The following ATP9B variants were observed in gnomAD, a reference collection of about 807,000 sequenced individuals.
ATP9B encodes ATPase phospholipid transporting 9B.
ATP9B carries 110 observed loss-of-function variants against 146.1 expected under a neutral mutation model. That is an observed-to-expected ratio of 0.75 (90% confidence interval 0.65 to 0.88). ATP9B has a LOEUF of 0.88. Ranked by LOEUF, ATP9B falls within the 40% of genes least tolerant of loss-of-function variation. ATP9B has a pLI of 0.00. For synonymous variants in ATP9B, 604 were observed against 569.7 expected, an observed-to-expected ratio of 1.06 and a Z score of -0.86; for missense variants, 1,499 against 1,496.4, an observed-to-expected ratio of 1.00 and a Z score of -0.03.
chr18:79,212,927 A>G (rs1368734543), intron 10 of ATP9B, among the ~76,000 whole-genome samples: 1 of 152,184 alleles, frequency 6.6e-6, no homozygotes, highest in East Asian at 1.9e-4. Flanking sequence ...GCTGGGGAAT[A>G]CTTCACATCT....
At position 79,348,263 on chromosome 18, in the gene ATP9B, A is replaced by T. The variant is rs934694909; in HGVS notation, c.2903+67A>T. 26 of 1,232,104 alleles carry T rather than the reference A, an allele frequency of 2.1e-5. 2 individuals carry two copies. The highest frequency in any genetic ancestry group is 2.9e-5 in the Non-Finnish European group (25 of 860,734). 76.3% of individuals were successfully genotyped at this position (1,232,104 alleles called of 1,614,324 possible). ...CTTCTATTTTGAAAAAAAAAAAAAA[A>T]AAAAAACAAAAAACGTATATAGAAG... is the stretch of plus-strand genomic sequence containing the variant. On this transcript the variant is annotated intron_variant, in intron 25 of 29. Transcript: ENST00000426216.
rs2095540531 is a variant in ATP9B at position 79,207,004 on chromosome 18, T to C, written c.1022T>C (p.Val341Ala). 1.2e-6 allele frequency: 2 copies of C among 1,613,844 alleles called. No homozygotes were observed. The highest frequency in any genetic ancestry group is 1.1e-5 in the South Asian group (1 of 91,072). Residue 341 changes from valine (V) to alanine (A), a missense_variant, in exon 10 of 30, where the codon GTT (valine) becomes GCT (alanine). Transcript: ENST00000426216. ...IENTLWASTIVASGTVIGVVI... is the reference protein window; with the variant it reads ...IENTLWASTIAASGTVIGVVI... ...AATACATTGTGGGCAAGCACCATTG[T>C]TGCATCAGGTAAGGAAAACATTCTC...
chr18:79,310,601 G>T (rs962811854), intron 15 of ATP9B, among the ~76,000 whole-genome samples: 1 of 152,004 alleles, frequency 6.6e-6, no homozygotes, highest in Non-Finnish European at 1.5e-5. Flanking sequence ...TTTTTTCCTT[G>T]AGAGTTGGCT....
At chr18:79,131,186 C>T (rs1201552832) in intron 5 of ATP9B, among the ~76,000 whole-genome samples, 4 of 152,076 alleles carry the variant, frequency 2.6e-5, no homozygotes, top group Non-Finnish European at 4.4e-5. Context: ...TTAAGACATT[C>T]ACAGATAAAC....
chr18:79,232,075 T>G (rs779661672), intron 11 of ATP9B, among the ~76,000 whole-genome samples: 9 of 152,052 alleles, frequency 5.9e-5, no homozygotes, highest in Non-Finnish European at 8.8e-5. Context: ...ACTACTCTGG[T>G]GATGACCTTC....
At chr18:79,292,703 T>C (rs1159379060) in intron 13 of ATP9B, among the ~76,000 whole-genome samples, 1 of 149,900 alleles carries the variant, frequency 6.7e-6, no homozygotes, top group Admixed American at 6.7e-5. Flanking sequence ...CCGAGGAATG[T>C]GGGCTGCAGA....
rs776613834 is a variant in ATP9B, at chr18:79,193,304, G to A, written c.954+41G>A. 7 of 1,484,564 alleles carry A rather than the reference G, an allele frequency of 4.7e-6. No individual in the cohort carries two copies. In the East Asian group the frequency reaches 6.8e-5, roughly 14 times the overall value. The allele number at this position is 1,484,564 out of a possible 1,614,324, so 92.0% of individuals were successfully genotyped here. On this transcript the variant is annotated intron_variant, in intron 9 of 29. Coordinates refer to ENST00000426216, the MANE Select transcript of ATP9B (RefSeq NM_198531.5). ...TGTTCAATACAAATAGAGTTATTGT[G>A]TAAGTTAAAAGTAGCAAACCTTTGA...
In ATP9B at chr18:79,175,862, A is replaced by G. The variant is rs114161871; in HGVS notation, c.779-951A>G. Among the ~76,000 whole-genome samples the G allele has an allele frequency of 3.2e-3, 480 of 152,332 alleles. 1 individual carries two copies. The highest frequency in any genetic ancestry group is 0.01 in the African/African-American group (420 of 41,574). ...TACATGCACACACACAGATACACAC[A>G]TAGATACATATCCACACACAGATGA... is the stretch of plus-strand genomic sequence containing the variant. On this transcript the variant is annotated intron_variant, in intron 7 of 29. Transcript: ENST00000426216.
chr18:79,247,988 A>G (rs2095985312), intron 11 of ATP9B, among the ~76,000 whole-genome samples: 1 of 152,220 alleles, frequency 6.6e-6, no homozygotes, highest in Admixed American at 6.5e-5. Context: ...ATAAATTGTA[A>G]CATTAAGAAT....
At chr18:79,256,256 G>GCCATATAT (rs2096076019) in intron 12 of ATP9B, among the ~76,000 whole-genome samples, 1 of 41,822 alleles carries the variant, frequency 2.4e-5, no homozygotes, top group African/African-American at 1.3e-4. Context: ...ATTCTAGCTA[G>GCCATATAT]CTATATATAT....
intron 8 of ATP9B, among the ~76,000 whole-genome samples, chr18:79,189,808 CT>C (rs2095345719): frequency 6.6e-6 from 1 of 152,206 alleles, no homozygotes; most frequent in African/African-American, 2.4e-5. Flanking sequence ...AGTGTGATGA[CT>C]TTTGTCTACT....
At chr18:79,272,415 T>C (rs946005617) in intron 12 of ATP9B, among the ~76,000 whole-genome samples, 2 of 152,156 alleles carry the variant, frequency 1.3e-5, no homozygotes, top group Non-Finnish European at 2.9e-5. Context: ...TCCGGAGCCT[T>C]CCCTGAATCC....
intron 1 of ATP9B, among the ~76,000 whole-genome samples, chr18:79,092,321 A>G (rs988156318): frequency 2.6e-5 from 4 of 152,204 alleles, no homozygotes; most frequent in African/African-American, 9.7e-5. Context: ...AAACTTGTGC[A>G]GCATGTTACT....
At chr18:79,184,350 GT>G (rs1329715619) in intron 8 of ATP9B, among the ~76,000 whole-genome samples, 1 of 152,008 alleles carries the variant, frequency 6.6e-6, no homozygotes, top group African/African-American at 2.4e-5. Context: ...GGTTAAGTAG[GT>G]TTTTTTGTTT....
At chr18:79,098,940 G>A (rs956983164) in intron 2 of ATP9B, among the ~76,000 whole-genome samples, 11 of 152,034 alleles carry the variant, frequency 7.2e-5, no homozygotes, top group African/African-American at 1.9e-4. Flanking sequence ...GTGTTTCCTC[G>A]AAGTTAAACT....
chr18:79,371,763 C>A (rs1382951207), intron 26 of ATP9B, among the ~76,000 whole-genome samples: 1 of 152,158 alleles, frequency 6.6e-6, no homozygotes, highest in Admixed American at 6.5e-5. Context: ...GTCCCCTGAG[C>A]TTCCGTGAGG....
At chr18:79,072,482 T>G (rs921312633) in intron 1 of ATP9B, among the ~76,000 whole-genome samples, 1 of 152,204 alleles carries the variant, frequency 6.6e-6, no homozygotes, top group African/African-American at 2.4e-5. Context: ...GGTTATAGAT[T>G]AACGGCATCC....
chr18:79,363,370 G>A (rs1418281443), intron 26 of ATP9B: 2 of 152,292 alleles, frequency 1.3e-5, no homozygotes, highest in Non-Finnish European at 2.9e-5. Flanking sequence ...GTAAACAGAT[G>A]TTCCTGGATT....
At chr18:79,355,096 C>T (rs890006776) in intron 25 of ATP9B, among the ~76,000 whole-genome samples, 14 of 152,234 alleles carry the variant, frequency 9.2e-5, no homozygotes, top group Admixed American at 8.5e-4. Context: ...CCCTCAGTGT[C>T]GGCAGAGGCC....
Sources: allele counts gnomAD v4.1 joint callset (sites outside exome capture counted in the v4.1 genomes callset), GRCh38; gene constraint gnomAD v4.1.1; transcripts MANE v1.5; gene names NCBI Gene and HGNC (gene_info 2026-07-23, HGNC 2026-07-21).